The following FRMD3 variants were observed in gnomAD, a reference collection of about 807,000 sequenced individuals.
The protein encoded by FRMD3 is FERM domain containing 3.
Under a neutral mutation model 70.2 loss-of-function variants are expected in FRMD3, and 33 were observed. The ratio of observed to expected loss-of-function variants is 0.47; its 90% CI spans 0.36 to 0.63. The LOEUF is 0.63. FRMD3 is among the 20% of genes least tolerant of loss of function. The pLI, the probability that FRMD3 is intolerant of heterozygous loss-of-function variation, is 0.00. For synonymous variants in FRMD3, 279 were observed against 255.9 expected (o/e 1.09, Z -0.86); for missense variants, 632 against 711.4 (o/e 0.89, Z 1.27).
chr9:83,307,564 C>T (rs551863637), intron 10 of FRMD3, among the ~76,000 whole-genome samples: 5 of 152,304 alleles, frequency 3.3e-5, no homozygotes, highest in Middle Eastern at 3.4e-3. Flanking sequence ...ATGGCCACAT[C>T]GTTTATGATT....
intron 4 of FRMD3, among the ~76,000 whole-genome samples, chr9:83,343,944 G>C (rs1823865165): frequency 6.6e-6 from 1 of 152,186 alleles, no homozygotes; most frequent in South Asian, 2.1e-4. Flanking sequence ...AAGCAGGATG[G>C]GACACAGCAG....
chr9:83,453,079 C>T (rs1271142725), intron 1 of FRMD3, among the ~76,000 whole-genome samples: 1 of 151,912 alleles, frequency 6.6e-6, no homozygotes, highest in Non-Finnish European at 1.5e-5. Flanking sequence ...TGGTCTCAAA[C>T]TCCTGGCCTC....
chr9:83,324,520 T>C (rs541886992), intron 6 of FRMD3, among the ~76,000 whole-genome samples: 104 of 152,296 alleles, frequency 6.8e-4, no homozygotes, highest in African/African-American at 2.4e-3. Context: ...TTTGTAATGA[T>C]GAAAAGACAC....
intron 1 of FRMD3, among the ~76,000 whole-genome samples, chr9:83,498,509 C>T (rs1171705162): frequency 6.6e-6 from 1 of 152,194 alleles, no homozygotes; most frequent in Non-Finnish European, 1.5e-5. Flanking sequence ...CTCCCCTACA[C>T]TTCTCAGCCA....
chr9:83,392,544 C>T (rs886342255), intron 1 of FRMD3, among the ~76,000 whole-genome samples: 2 of 152,164 alleles, frequency 1.3e-5, no homozygotes, highest in Non-Finnish European at 2.9e-5. Context: ...CTTCCACATG[C>T]TTCCTCCTGA....
intron 7 of FRMD3, among the ~76,000 whole-genome samples, chr9:83,312,288 C>T (rs1452550313): frequency 6.6e-6 from 1 of 152,196 alleles, no homozygotes; most frequent in Non-Finnish European, 1.5e-5. Context: ...TGCCTGTGTT[C>T]TAGGTCTGCT....
At chr9:83,326,048 C>T (rs546485713) in intron 6 of FRMD3, among the ~76,000 whole-genome samples, 2 of 151,998 alleles carry the variant, frequency 1.3e-5, no homozygotes, top group Non-Finnish European at 2.9e-5. Flanking sequence ...GCTAGTTGAC[C>T]GGGTATAAAA....
At chr9:83,476,306 C>T (rs1828395082) in intron 1 of FRMD3, among the ~76,000 whole-genome samples, 1 of 151,486 alleles carries the variant, frequency 6.6e-6, no homozygotes, top group African/African-American at 2.4e-5. Flanking sequence ...ATCGCTTGAA[C>T]CTGGGAAGCA....
intron 1 of FRMD3, among the ~76,000 whole-genome samples, chr9:83,390,002 G>T (rs892984275): frequency 1.3e-5 from 2 of 152,120 alleles, no homozygotes; most frequent in African/African-American, 4.8e-5. Flanking sequence ...TGCTATTTAT[G>T]ACTCAGAGTA....
At chr9:83,575,345 C>T in the FRMD3 span, among the ~76,000 whole-genome samples, 4 of 152,248 alleles carry the variant, frequency 2.6e-5, no homozygotes, top group South Asian at 2.1e-4. Context: ...TCACTGATAC[C>T]TCTTGCTGCA....
chr9:83,420,120 T>C, intron 1 of FRMD3, among the ~76,000 whole-genome samples: 1 of 152,240 alleles, frequency 6.6e-6, no homozygotes, highest in East Asian at 1.9e-4. Flanking sequence ...TATGTCCAGC[T>C]GGCACTTAGT....
chr9:83,405,767 A>G (rs1826083352), intron 1 of FRMD3, among the ~76,000 whole-genome samples: 1 of 152,078 alleles, frequency 6.6e-6, no homozygotes, highest in East Asian at 1.9e-4. Flanking sequence ...AGTCAAAAAA[A>G]AAAAAAGAAA....
intron 1 of FRMD3, among the ~76,000 whole-genome samples, chr9:83,510,259 T>C (rs1386478364): frequency 1.3e-5 from 2 of 152,166 alleles, no homozygotes; most frequent in East Asian, 3.8e-4. Context: ...AAAAAATGTA[T>C]AGTCAAGATG....
Position 83,245,980 on chromosome 9 carries a change from C to T in FRMD3, c.*1938G>A, listed in dbSNP as rs1328212187. 1.7e-5 allele frequency: 17 copies of T among 983,706 alleles called. No homozygotes were observed. Among genetic ancestry groups the T allele is most frequent in the Non-Finnish European group, 2.1e-5 (17 of 828,642 alleles). 60.9% of individuals were successfully genotyped at this position (983,706 alleles called of 1,614,324 possible). ...TCTTTATTTAAAAAGCAAAATAAAT[C>T]ACTGAAAGCATATAGGAAAGGAAAC... is the stretch of plus-strand genomic sequence containing the variant. On this transcript the variant is annotated 3_prime_UTR_variant, in exon 14 of 14. Coordinates refer to ENST00000304195, the MANE Select transcript of FRMD3 (RefSeq NM_174938.6).
At chr9:83,462,517 G>A (rs1325727478) in intron 1 of FRMD3, among the ~76,000 whole-genome samples, 1 of 152,052 alleles carries the variant, frequency 6.6e-6, no homozygotes, top group Non-Finnish European at 1.5e-5. Flanking sequence ...CATCCTCAGT[G>A]GAATTACTAT....
intron 1 of FRMD3, among the ~76,000 whole-genome samples, chr9:83,432,757 A>C (rs1037761938): frequency 1.3e-5 from 2 of 152,260 alleles, no homozygotes; most frequent in African/African-American, 2.4e-5. Context: ...AGATTTAAAA[A>C]AATTTTAATT....
intron 1 of FRMD3, among the ~76,000 whole-genome samples, chr9:83,503,839 A>G (rs187581709): frequency 2.0e-5 from 3 of 152,224 alleles, no homozygotes; most frequent in African/African-American, 7.2e-5. Flanking sequence ...GCAGCACCAC[A>G]GTTGAAATCA....
chr9:83,512,583 T>C (rs1829362256), intron 1 of FRMD3, among the ~76,000 whole-genome samples: 1 of 152,222 alleles, frequency 6.6e-6, no homozygotes, highest in South Asian at 2.1e-4. Context: ...TAGGGACTAC[T>C]GTGGTAGCAT....
chr9:83,510,657 T>C (rs1207526045), intron 1 of FRMD3, among the ~76,000 whole-genome samples: 2 of 152,160 alleles, frequency 1.3e-5, no homozygotes, highest in African/African-American at 2.4e-5. Flanking sequence ...CTGCGGTACG[T>C]CCATATAACG....
Sources: allele counts gnomAD v4.1 joint callset (sites outside exome capture counted in the v4.1 genomes callset), GRCh38; gene constraint gnomAD v4.1.1; transcripts MANE v1.5; gene names NCBI Gene and HGNC (gene_info 2026-07-23, HGNC 2026-07-21).